The following LEMD2 variants were observed in gnomAD, a reference collection of about 807,000 sequenced individuals.
LEMD2 encodes the protein LEM domain-containing protein 2.
Under a neutral mutation model 58.8 loss-of-function variants are expected in LEMD2, and 34 were observed. The ratio of observed to expected loss-of-function variants is 0.58; its 90% CI spans 0.44 to 0.77. The LOEUF (loss-of-function observed/expected upper bound fraction) is 0.77. LEMD2 is among the 30% of genes least tolerant of loss of function. LEMD2 has a pLI of 0.00. For synonymous variants in LEMD2, 298 were observed against 308.9 expected (o/e 0.96, Z 0.37); for missense variants, 629 against 717.9 (o/e 0.88, Z 1.42).
chr6:33,774,194 T>G (rs1484412394), intron 8 of LEMD2, among the ~76,000 whole-genome samples: 511 of 140,818 alleles, frequency 3.6e-3, no homozygotes, highest in African/African-American at 0.012. Flanking sequence ...TTTTTTGAGA[T>G]GGAGTCTCAC....
Position 33,788,646 on chromosome 6 carries a change from G to A in LEMD2, c.471C>T (p.Leu157=), listed in dbSNP as rs777628746. The A allele has an allele frequency of 6.3e-6, 8 of 1,276,086 alleles. No homozygotes were observed. Among genetic ancestry groups the A allele is most frequent in the Admixed American group, 8.4e-5 (2 of 23,834 alleles). The allele number at this position is 1,276,086 out of a possible 1,614,324, so 79.0% of individuals were successfully genotyped here. ...TPDRATQGPG[L]AARRWWAASP... The stretch of plus-strand genomic sequence containing the variant: ...ACGCTGCCCACCAGCGGCGGGCCGC[G>A]AGACCCGGGCCCTGCGTGGCCCTGT... The change falls in exon 1 of 9, where the codon CTC becomes CTT. Residue 157 remains leucine (L), a synonymous_variant. Transcript: ENST00000293760.
intron 8 of LEMD2, 185 bp downstream of exon 8, chr6:33,776,769 C>T: frequency 1.6e-6 from 1 of 619,902 alleles, no homozygotes; most frequent in Non-Finnish European, 2.9e-6. Context: ...TTTTCTAGCT[C>T]ATCCTGCCAT....
In LEMD2 at chr6:33,778,420, G is replaced by C. The variant is rs1000984745; in HGVS notation, c.1011-33C>G. ...AGGACACAGGGCTCTGAACATGTTGGAAAGCTCCAAGGAGAGGCAGTGCAA... is the reference window on the plus strand; with the variant it reads ...AGGACACAGGGCTCTGAACATGTTGCAAAGCTCCAAGGAGAGGCAGTGCAA... On this transcript the variant is annotated intron_variant, in intron 5 of 8. Coordinates refer to ENST00000293760, the MANE Select transcript of LEMD2 (RefSeq NM_181336.4). This position sits in a 1 kb window ranked among gnomAD's most constrained non-coding sequence, Gnocchi z 4.7. 6.2e-6 allele frequency: 9 copies of C among 1,452,646 alleles called. No homozygotes were observed. The African/African-American group carries it at 1.3e-4, about 21-fold the overall frequency. 90.0% of individuals were successfully genotyped at this position (1,452,646 alleles called of 1,614,324 possible).
chr6:33,788,148 A>G (rs1237711779), intron 1 of LEMD2, among the ~76,000 whole-genome samples: 2 of 152,334 alleles, frequency 1.3e-5, no homozygotes, highest in East Asian at 1.9e-4. Flanking sequence ...GTTAGAAGGG[A>G]GGGCTGGGGC....
At chr6:33,774,430 AT>A (rs59520978) in intron 8 of LEMD2, among the ~76,000 whole-genome samples, 46,341 of 121,118 alleles carry the variant, frequency 0.38, 7,940 homozygotes, top group East Asian at 0.77. Context: ...TTGGTCTCCC[AT>A]TTTTTTTTTT....
At chr6:33,784,470 GGGAGGGGT>G in intron 2 of LEMD2, 43 bp from the exon 3 acceptor site, 1 of 457,098 alleles carries the variant, frequency 2.2e-6, no homozygotes, top group Non-Finnish European at 4.4e-6. Context: ...AGGGGTGGGT[GGGAGGGGT>G]CCGTCTGTCC....
intron 8 of LEMD2, among the ~76,000 whole-genome samples, chr6:33,775,843 T>C (rs1053340414): frequency 1.3e-5 from 2 of 152,228 alleles, no homozygotes; most frequent in African/African-American, 4.8e-5. Context: ...TTTGCATCTG[T>C]GGAGAGCTCC....
Position 33,788,944 on chromosome 6 carries a change from C to A in LEMD2, c.173G>T (p.Gly58Val). The A allele has an allele frequency of 1.3e-6, 2 of 1,509,210 alleles. No individual in the cohort carries two copies. Among genetic ancestry groups the A allele is most frequent in the Non-Finnish European group, 8.8e-7 (1 of 1,136,778 alleles). 93.5% of individuals were successfully genotyped at this position (1,509,210 alleles called of 1,614,324 possible). A position where few individuals can be genotyped will look rare whatever the true frequency, so the allele number is the denominator to read the frequency against. Reference sequence around the variant, plus strand: ...GGCCTCTTCCCGTAACCGCTCCTCGCCCCGCGGCCGGGCCTCCTCCCGCAG... The same window carrying A: ...GGCCTCTTCCCGTAACCGCTCCTCGACCCGCGGCCGGGCCTCCTCCCGCAG... ...ERLREEARPR[G>V]EERLREEARL... Residue 58 changes from glycine (G) to valine (V), a missense_variant, in exon 1 of 9, where the codon GGC (glycine) becomes GTC (valine). Physicochemically the swap from Gly to Val is moderately radical, Grantham distance 109 (BLOSUM62 -3). Coordinates refer to ENST00000293760, the MANE Select transcript of LEMD2 (RefSeq NM_181336.4).
rs1042767583 is a variant in LEMD2 at position 33,778,621 on chromosome 6, C to T, written c.1011-234G>A. On this transcript the variant is annotated intron_variant, in intron 5 of 8. Transcript: ENST00000293760. The surrounding 1 kb of genome is among the most constrained non-coding windows in gnomAD (Gnocchi z 4.7). ...GCTTGAACCCCTACCGCTAAAGCAA[C>T]GTCCCCCTGTCAGGTCTTTGACAGC... is the stretch of plus-strand genomic sequence containing the variant. The T allele has an allele frequency of 8.1e-6, 3 of 368,896 alleles. No individual in the cohort carries two copies. The highest frequency in any genetic ancestry group is 2.1e-5 in the African/African-American group (1 of 48,058). 22.9% of individuals were successfully genotyped at this position (368,896 alleles called of 1,614,324 possible). A position where few individuals can be genotyped will look rare whatever the true frequency, so the allele number is the denominator to read the frequency against.
intron 4 of LEMD2, 64 bp from the exon 5 acceptor site, chr6:33,780,243 G>C: frequency 7.2e-7 from 1 of 1,386,856 alleles, no homozygotes; most frequent in Non-Finnish European, 1.0e-6. Flanking sequence ...ACATTATTCT[G>C]CTGCTGGATT....
Position 33,777,228 on chromosome 6 carries a change from A to G in LEMD2, c.1168T>C (p.Leu390=), listed in dbSNP as rs1165678065. 1 of 1,613,692 alleles carries G rather than the reference A, an allele frequency of 6.2e-7. No individual in the cohort carries two copies. Among genetic ancestry groups the G allele is most frequent in the Admixed American group, 1.7e-5 (1 of 60,024 alleles). Residue 390 remains leucine, a synonymous_variant, in exon 7 of 9, where the codon TTG becomes CTG. Transcript: ENST00000293760. ...TTTAGGAGAATTAGGAGCCCCCACA[A>G]AAAAGCCAAGCCTGTGAGGGAACAA... ...VLIFFWCLAF[L]WGLLILLKYR...
Position 33,772,753 on chromosome 6 carries a change from G to A in LEMD2, c.1387C>T (p.Arg463Ter), listed in dbSNP as rs1048620739. Residue 463 changes from arginine (R) to a stop codon, truncating the protein, a stop_gained, in exon 9 of 9, where the codon CGA becomes TGA. Transcript: ENST00000293760. LOFTEE classifies it high-confidence loss of function. ...SRRRMKRVWD[R>*]AVEFLASNES... ...TTGGAGGCCAGGAACTCCACAGCTC[G>A]GTCCCAGACACGCTTCATGCGCCTC... is the stretch of plus-strand genomic sequence containing the variant. 4 of 1,613,784 alleles carry A rather than the reference G, an allele frequency of 2.5e-6. No individual in the cohort carries two copies. The highest frequency in any genetic ancestry group is 3.4e-6 in the Non-Finnish European group (4 of 1,179,942).
At chr6:33,780,411 T>C in intron 4 of LEMD2, 2 of 546,296 alleles carry the variant, frequency 3.7e-6, no homozygotes, top group Non-Finnish European at 6.7e-6. Context: ...ACAGTGCGGG[T>C]CTGAGGCGGC....
intron 3 of LEMD2, among the ~76,000 whole-genome samples, chr6:33,782,698 G>A (rs892253984): frequency 6.6e-6 from 1 of 152,262 alleles, no homozygotes; most frequent in Non-Finnish European, 1.5e-5. Context: ...CAGGGAGGTA[G>A]GTGGCCTGTC....
rs1767325051 is a variant in LEMD2 at position 33,772,572 on chromosome 6, C to T, written c.*56G>A. ...CGCAGGCCTGGTGACCCTCCTGTGC[C>T]TCTGGAGTGGGCTGTCCTGGGACAG... On this transcript the variant is annotated 3_prime_UTR_variant, in exon 9 of 9. Coordinates refer to ENST00000293760, the MANE Select transcript of LEMD2 (RefSeq NM_181336.4). 6.4e-7 allele frequency: 1 copy of T among 1,561,016 alleles called. No individual in the cohort carries two copies.
chr6:33,772,551 G>A lies in LEMD2; in HGVS notation c.*77C>T, dbSNP rs1561921025. On this transcript the variant is annotated 3_prime_UTR_variant, in exon 9 of 9. Coordinates refer to ENST00000293760, the MANE Select transcript of LEMD2 (RefSeq NM_181336.4). ...AGGCAAGTGTGAATTCAGCACCGCAGGCCTGGTGACCCTCCTGTGCCTCTG... is the reference window on the plus strand; with the variant it reads ...AGGCAAGTGTGAATTCAGCACCGCAAGCCTGGTGACCCTCCTGTGCCTCTG... 2.1e-5 allele frequency: 29 copies of A among 1,411,656 alleles called. No homozygotes were observed. Among genetic ancestry groups the A allele is most frequent in the Non-Finnish European group, 3.9e-6 (4 of 1,024,258 alleles). The allele number at this position is 1,411,656 out of a possible 1,614,324, so 87.4% of individuals were successfully genotyped here. A position where few individuals can be genotyped will look rare whatever the true frequency, so the allele number is the denominator to read the frequency against.
At chr6:33,779,210 TCTC>T (rs1366037937) in intron 5 of LEMD2, 1 of 151,788 alleles carries the variant, frequency 6.6e-6, no homozygotes, top group African/African-American at 2.4e-5. Flanking sequence ...AAATCCGTAT[TCTC>T]CTCCGCCTTT....
At position 33,788,386 on chromosome 6, in the gene LEMD2, T is replaced by TCCTCCG; in HGVS notation, c.725_730dup (p.Ala242_Glu243dup). On this transcript the variant is annotated inframe_insertion, in exon 1 of 9. Transcript: ENST00000293760. ...TGCGCCGGCCCAGGACGTACTGTTG[T>TCCTCCG]CCTCCGCCTCCTGCGGCGCTGAGGG... is the stretch of plus-strand genomic sequence containing the variant. 1 of 1,575,102 alleles carries TCCTCCG rather than the reference T, an allele frequency of 6.3e-7. No individual in the cohort carries two copies. The highest frequency in any genetic ancestry group is 8.6e-7 in the Non-Finnish European group (1 of 1,162,190).
intron 2 of LEMD2, 50 bp from the exon 3 acceptor site, chr6:33,784,477 G>GGGGGGGGGCCCCC: frequency 2.3e-6 from 1 of 430,804 alleles, no homozygotes; most frequent in Non-Finnish European, 4.8e-6. Context: ...GGTGGGAGGG[G>GGGGGGGGGCCCCC]TCCGTCTGTC....
Sources: gnomAD v4.1 joint callset for allele counts (sites outside exome capture counted in the v4.1 genomes callset) on GRCh38, gnomAD v4.1.1 for gene constraint, Gnocchi (gnomAD v3.1) non-coding constraint, MANE v1.5 for transcripts, NCBI Gene and HGNC (gene_info 2026-07-23, HGNC 2026-07-21) for gene names.